The following BTD variants were observed in gnomAD, a reference collection of about 807,000 sequenced individuals.
BTD encodes the protein biocytinase.
A neutral mutation model predicts 17.7 loss-of-function variants in BTD; 13 were observed. That is an observed-to-expected ratio of 0.74 (90% CI 0.48 to 1.17). The LOEUF (loss-of-function observed/expected upper bound fraction) is 1.17, where lower values mean the gene tolerates loss of function less well. BTD is among the 50% of genes most tolerant of loss of function. The pLI is 0.00. For missense variants in BTD, 674 were observed against 650.4 expected, an observed-to-expected ratio of 1.04 and a Z score of -0.39; for synonymous variants, 240 against 245.2, an observed-to-expected ratio of 0.98 and a Z score of 0.20.
intron 3 of BTD, among the ~76,000 whole-genome samples, chr3:15,682,757 C>A (rs917652824): frequency 6.6e-6 from 1 of 152,156 alleles, no homozygotes; most frequent in Non-Finnish European, 1.5e-5. Flanking sequence ...TTTACATATT[C>A]TACTTTCAGA....
chr3:15,645,836 G>GTTT lies in BTD; in HGVS notation c.*363_*365dup, dbSNP rs1199838348. On this transcript the variant is annotated 3_prime_UTR_variant, in exon 4 of 4. Coordinates refer to ENST00000643237, the MANE Select transcript of BTD (RefSeq NM_001370658.1). ...CACATCCACAAAGCAGTGGCTTGGG[G>GTTT]TTTTTTTTTTTTTTTTTATCTTGTT... 16 of 151,328 alleles carry GTTT rather than the reference G, an allele frequency of 1.1e-4. No homozygotes were observed. The highest frequency in any genetic ancestry group is 1.8e-4 in the Non-Finnish European group (13 of 73,682). The allele number at this position is 151,328 out of a possible 1,614,324, so 9.4% of individuals were successfully genotyped here. A position where few individuals can be genotyped will look rare whatever the true frequency, so the allele number is the denominator to read the frequency against.
At chr3:15,699,678 C>T (rs1179478587) in intron 3 of BTD, among the ~76,000 whole-genome samples, 1 of 152,198 alleles carries the variant, frequency 6.6e-6, no homozygotes, top group Non-Finnish European at 1.5e-5. Flanking sequence ...ATAAAAACCA[C>T]AATGAGACAC....
intron 3 of BTD, among the ~76,000 whole-genome samples, chr3:15,678,521 C>T (rs1397455653): frequency 2.0e-5 from 3 of 152,202 alleles, no homozygotes; most frequent in Non-Finnish European, 4.4e-5. Context: ...TAATTTCTCT[C>T]ATAGAAATTT....
chr3:15,612,794 CTA>C (rs1417137178), intron 1 of BTD, among the ~76,000 whole-genome samples: 5 of 151,904 alleles, frequency 3.3e-5, no homozygotes, highest in Non-Finnish European at 5.9e-5. Flanking sequence ...CTCAAAGTCT[CTA>C]TGTGTCAGGA....
intron 1 of BTD, among the ~76,000 whole-genome samples, chr3:15,626,714 CT>C (rs1007645468): frequency 1.4e-4 from 21 of 147,956 alleles, no homozygotes; most frequent in Non-Finnish European, 2.8e-4. Flanking sequence ...GAGTTTGAGG[CT>C]GCTGTGAGCT....
At chr3:15,614,637 A>G (rs1242701066) in intron 1 of BTD, among the ~76,000 whole-genome samples, 2 of 137,572 alleles carry the variant, frequency 1.5e-5, no homozygotes, top group Non-Finnish European at 3.1e-5. Flanking sequence ...TCTCTCTATT[A>G]CCCAGGCTAG....
chr3:15,674,218 A>G (rs1261065225), intron 3 of BTD, among the ~76,000 whole-genome samples: 1 of 151,146 alleles, frequency 6.6e-6, no homozygotes, highest in Non-Finnish European at 1.5e-5. Context: ...CCGAAATTCA[A>G]GAGTAACATG....
chr3:15,616,706 A>G (rs2064802036), intron 1 of BTD, among the ~76,000 whole-genome samples: 1 of 152,188 alleles, frequency 6.6e-6, no homozygotes, highest in African/African-American at 2.4e-5. Context: ...TAATAGGTGC[A>G]TAGTGGTATC....
chr3:15,699,042 T>C (rs542898697), intron 3 of BTD, among the ~76,000 whole-genome samples: 2 of 151,850 alleles, frequency 1.3e-5, no homozygotes, highest in South Asian at 2.1e-4. Flanking sequence ...GCAAAAGAGG[T>C]ATATAGAACA....
chr3:15,636,671 T>G (rs986821811), intron 2 of BTD, among the ~76,000 whole-genome samples: 10 of 152,106 alleles, frequency 6.6e-5, no homozygotes, highest in Admixed American at 2.0e-4. Flanking sequence ...AAACAGTCCC[T>G]GCCTTAGAGC....
chr3:15,651,362 T>C lies in BTD; in HGVS notation c.*5874T>C, dbSNP rs961001744. ...ACTGCAAATCTTGATTGAGGAGATCTTAAGAACAGAGTGATTTACACAGCT... is the reference window on the plus strand; with the variant it reads ...ACTGCAAATCTTGATTGAGGAGATCCTAAGAACAGAGTGATTTACACAGCT... On this transcript the variant is annotated 3_prime_UTR_variant, in exon 4 of 4. Transcript: ENST00000643237. Among the ~76,000 whole-genome samples, 11 of 152,190 alleles carry C rather than the reference T, an allele frequency of 7.2e-5. No homozygotes were observed. Among genetic ancestry groups the C allele is most frequent in the African/African-American group, 2.7e-4 (11 of 41,448 alleles).
chr3:15,686,062 C>T, intron 3 of BTD: 3 of 1,613,762 alleles, frequency 1.9e-6, no homozygotes, highest in Non-Finnish European at 2.5e-6. Context: ...CTCCTTTGTT[C>T]AGCAATGAGT....
chr3:15,705,363 C>G (rs1395321677), intron 3 of BTD, among the ~76,000 whole-genome samples: 1 of 152,046 alleles, frequency 6.6e-6, no homozygotes, highest in East Asian at 1.9e-4. Context: ...GTGCATTTGT[C>G]TAAGGGCAGA....
At chr3:15,685,776 A>G (rs2068043328) in intron 3 of BTD, among the ~76,000 whole-genome samples, 1 of 152,232 alleles carries the variant, frequency 6.6e-6, no homozygotes, top group African/African-American at 2.4e-5. Flanking sequence ...CATTAATTCT[A>G]CTAAAAGTTT....
intron 4 of BTD, among the ~76,000 whole-genome samples, chr3:15,719,875 TTTA>T (rs1226574846): frequency 1.3e-5 from 2 of 151,958 alleles, no homozygotes; most frequent in Admixed American, 6.6e-5. Context: ...CATTCATTCC[TTTA>T]TTTATTTTTT....
chr3:15,656,442 C>T (rs145109015), downstream of BTD, among the ~76,000 whole-genome samples: 30 of 152,262 alleles, frequency 2.0e-4, no homozygotes, highest in African/African-American at 3.9e-4. Flanking sequence ...CCAGCTCATG[C>T]GGGAGGGACA....
chr3:15,715,819 C>A (rs938596617), downstream of BTD, among the ~76,000 whole-genome samples: 2 of 151,926 alleles, frequency 1.3e-5, no homozygotes, highest in Non-Finnish European at 2.9e-5. Context: ...CAGTGCTTCT[C>A]AGGATATATT....
chr3:15,671,306 G>C (rs993816613), intron 3 of BTD, among the ~76,000 whole-genome samples: 4 of 152,180 alleles, frequency 2.6e-5, no homozygotes, highest in African/African-American at 9.7e-5. Context: ...GTTGGTACAA[G>C]ACTCAGTCTT....
rs79477967 is a variant in BTD at position 15,638,053 on chromosome 3, C to T, written c.249+2365C>T. Among the ~76,000 whole-genome samples the T allele has an allele frequency of 1.6e-3, 244 of 152,190 alleles. 2 individuals carry two copies. Among genetic ancestry groups the T allele is most frequent in the East Asian group, 0.013 (67 of 5,182 alleles). On this transcript the variant is annotated intron_variant, in intron 2 of 3. Transcript: ENST00000643237. ...TTTTCCAGCAGCACTTTTATTTTTC[C>T]TTACACGATGACATGTTGCTGGGGC...
Sources: gnomAD v4.1 joint callset for allele counts (sites outside exome capture counted in the v4.1 genomes callset) on GRCh38, gnomAD v4.1.1 for gene constraint, MANE v1.5 for transcripts, NCBI Gene and HGNC (gene_info 2026-07-23, HGNC 2026-07-21) for gene names.